Variants in PMEPA1 observed in about 807,000 individuals in gnomAD.
The protein encoded by PMEPA1 is protein TMEPAI.
PMEPA1 carries 11 observed loss-of-function variants against 23.0 expected under a neutral mutation model. The observed-to-expected ratio is 0.48, with a 90% CI of 0.30 to 0.79. The LOEUF (loss-of-function observed/expected upper bound fraction) is 0.79, where lower values mean the gene tolerates loss of function less well. PMEPA1 is among the 30% of genes least tolerant of loss of function. The pLI, the probability that PMEPA1 is intolerant of heterozygous loss-of-function variation, is 0.06. For missense variants in PMEPA1, 377 were observed against 390.9 expected, an observed-to-expected ratio of 0.96 and a Z score of 0.30; for synonymous variants, 204 against 166.4, an observed-to-expected ratio of 1.23 and a Z score of -1.74.
Position 57,681,293 on chromosome 20 carries a change from C to T in PMEPA1, c.110-21596G>A, listed in dbSNP as rs147762340. On this transcript the variant is annotated intron_variant, in intron 1 of 3. Transcript: ENST00000341744. ...CTCCATCACTGCCACTGGGAACCCC[C>T]GTCCCTCCAAACCTGCCGCCTGCCT... 3.1e-3 allele frequency among the ~76,000 whole-genome samples: 468 copies of T among 152,318 alleles called. 5 individuals carry two copies. The highest frequency in any genetic ancestry group is 0.011 in the African/African-American group (441 of 41,570).
At chr20:57,688,211 C>A (rs1482389301) in intron 1 of PMEPA1, among the ~76,000 whole-genome samples, 2 of 152,220 alleles carry the variant, frequency 1.3e-5, no homozygotes, top group South Asian at 2.1e-4. Flanking sequence ...CAGGTCAGTG[C>A]AACTACTTTC....
At chr20:57,700,421 C>T (rs2071996049) in intron 1 of PMEPA1, among the ~76,000 whole-genome samples, 1 of 152,222 alleles carries the variant, frequency 6.6e-6, no homozygotes, top group African/African-American at 2.4e-5. Flanking sequence ...ATAGTGGGGG[C>T]AAATGATATA....
chr20:57,678,815 G>A (rs1021132702), intron 1 of PMEPA1, among the ~76,000 whole-genome samples: 9 of 152,328 alleles, frequency 5.9e-5, no homozygotes, highest in African/African-American at 2.2e-4. Flanking sequence ...AGAGCCAGGG[G>A]AGGGAGAGCA....
chr20:57,675,239 C>T (rs548264563), intron 1 of PMEPA1, among the ~76,000 whole-genome samples: 1 of 151,786 alleles, frequency 6.6e-6, no homozygotes, highest in African/African-American at 2.4e-5. Context: ...ACACAGAGCC[C>T]GGTGCTGTGA....
rs529734799 is a variant in PMEPA1, at chr20:57,707,316, C to T, written c.109+2158G>A. On this transcript the variant is annotated intron_variant, in intron 1 of 3. Transcript: ENST00000341744. Reference sequence around the variant, plus strand: ...GGCCTTACCACTTCCTCACCCTAGTCTCTCGGGGAAATCTGATGAAAACAA... The same window carrying T: ...GGCCTTACCACTTCCTCACCCTAGTTTCTCGGGGAAATCTGATGAAAACAA... 4.6e-5 allele frequency among the ~76,000 whole-genome samples: 7 copies of T among 152,346 alleles called. No individual in the cohort carries two copies. In the East Asian group the frequency reaches 1.2e-3, roughly 25 times the overall value.
At chr20:57,669,718 G>A (rs146692601) in intron 1 of PMEPA1, among the ~76,000 whole-genome samples, 17 of 152,244 alleles carry the variant, frequency 1.1e-4, no homozygotes, top group African/African-American at 3.9e-4. Context: ...GACTGTCCAC[G>A]TCTGCACAGA....
At chr20:57,710,698 C>A, upstream of PMEPA1, 1 of 476,058 alleles carries the variant, frequency 2.1e-6, no homozygotes, top group Non-Finnish European at 3.7e-6. Context: ...GTCTGCTGCC[C>A]AAGGGGCCTC....
rs2071729083 is a variant in PMEPA1 at position 57,682,289 on chromosome 20, G to A, written c.110-22592C>T. ...TGAAGGCTTGAGCTGAGTGTGAATG[G>A]TGCTCAGAGCGGGGGACCAGCTCCA... On this transcript the variant is annotated intron_variant, in intron 1 of 3. Transcript: ENST00000341744. This position sits in a 1 kb window ranked among gnomAD's most constrained non-coding sequence, Gnocchi z 4.4. Among the ~76,000 whole-genome samples, 2 of 152,222 alleles carry A rather than the reference G, an allele frequency of 1.3e-5. No homozygotes were observed. Among genetic ancestry groups the A allele is most frequent in the Admixed American group, 1.3e-4 (2 of 15,288 alleles).
In PMEPA1 at chr20:57,682,975, T is replaced by C. The variant is rs1028962428; in HGVS notation, c.110-23278A>G. Among the ~76,000 whole-genome samples, 8 of 152,036 alleles carry C rather than the reference T, an allele frequency of 5.3e-5. No individual in the cohort carries two copies. The East Asian group carries it at 1.2e-3, about 22-fold the overall frequency. On this transcript the variant is annotated intron_variant, in intron 1 of 3. Transcript: ENST00000341744. The surrounding 1 kb of genome is among the most constrained non-coding windows in gnomAD (Gnocchi z 4.4). ...CTTGAAACTCCGGCTTCTCCAACTC[T>C]TCAGAAAAGGAGAAGAAGAAGAAAA...
chr20:57,653,130 G>A (rs1419667808), intron 2 of PMEPA1, 44 bp from the exon 3 acceptor site: 2 of 1,500,666 alleles, frequency 1.3e-6, no homozygotes, highest in East Asian at 2.4e-5. Context: ...GGGGTGGGCA[G>A]GAGGGACAGC....
At chr20:57,709,268 G>T (rs2072130578) in intron 1 of PMEPA1, among the ~76,000 whole-genome samples, 1 of 148,356 alleles carries the variant, frequency 6.7e-6, no homozygotes, top group South Asian at 2.1e-4. Context: ...GCCGTGCCAG[G>T]CTCGCAGCGC....
intron 1 of PMEPA1, among the ~76,000 whole-genome samples, chr20:57,692,255 C>A (rs1027932316): frequency 6.6e-6 from 1 of 152,190 alleles, no homozygotes; most frequent in Non-Finnish European, 1.5e-5. Flanking sequence ...ATAGAGGAGA[C>A]GCAACCCCGA....
intron 1 of PMEPA1, among the ~76,000 whole-genome samples, chr20:57,665,226 G>T (rs2071475960): frequency 6.6e-6 from 1 of 152,184 alleles, no homozygotes; most frequent in South Asian, 2.1e-4. Flanking sequence ...TGCCCATTTT[G>T]CAGATGAAGA....
In PMEPA1 at chr20:57,682,043, C is replaced by CTAG. The variant is rs2071724343; in HGVS notation, c.110-22349_110-22347dup. 6.6e-6 allele frequency among the ~76,000 whole-genome samples: 1 copy of CTAG among 152,232 alleles called. No individual in the cohort carries two copies. The highest frequency in any genetic ancestry group is 1.5e-5 in the Non-Finnish European group (1 of 68,042). On this transcript the variant is annotated intron_variant, in intron 1 of 3. Coordinates refer to ENST00000341744, the MANE Select transcript of PMEPA1 (RefSeq NM_020182.5). The surrounding 1 kb of genome is among the most constrained non-coding windows in gnomAD (Gnocchi z 4.4). ...GACTCTGTTTCCCATCTGCACCAGA[C>CTAG]TAGTAGCTCCCTGAGGGCAGGCTCA...
chr20:57,710,705 C>T, upstream of PMEPA1: 1 of 463,742 alleles, frequency 2.2e-6, no homozygotes, highest in Non-Finnish European at 3.8e-6. Context: ...GCCCAAGGGG[C>T]CTCCGGCTGG....
At position 57,699,739 on chromosome 20, in the gene PMEPA1, C is replaced by T. The variant is rs139846648; in HGVS notation, c.109+9735G>A. Among the ~76,000 whole-genome samples, 7 of 152,322 alleles carry T rather than the reference C, an allele frequency of 4.6e-5. No individual in the cohort carries two copies. The East Asian group carries it at 1.4e-3, about 29-fold the overall frequency. ...ATTCAGCTTCCTACTTCTCTTGCTG[C>T]CGAGGACATGGCCTGGAAAATCTGA... is the stretch of plus-strand genomic sequence containing the variant. On this transcript the variant is annotated intron_variant, in intron 1 of 3. Coordinates refer to ENST00000341744, the MANE Select transcript of PMEPA1 (RefSeq NM_020182.5).
In PMEPA1 at chr20:57,661,461, C is replaced by T. The variant is rs1236014308; in HGVS notation, c.110-1764G>A. Among the ~76,000 whole-genome samples the T allele has an allele frequency of 3.3e-5, 5 of 152,180 alleles. No individual in the cohort carries two copies. In the East Asian group the frequency reaches 7.7e-4, roughly 23 times the overall value. ...TGCAGGAATGTGACTCCCCAGACCC[C>T]GGCTGGCATGGGGGCAAGGAGGACT... On this transcript the variant is annotated intron_variant, in intron 1 of 3. Transcript: ENST00000341744.
intron 1 of PMEPA1, among the ~76,000 whole-genome samples, chr20:57,708,180 C>T (rs1014791481): frequency 6.6e-6 from 1 of 152,254 alleles, no homozygotes; most frequent in African/African-American, 2.4e-5. Context: ...ATGAGCCGCC[C>T]AGACACTGCC....
At chr20:57,697,492 C>A (rs1247284034) in intron 1 of PMEPA1, among the ~76,000 whole-genome samples, 2 of 152,234 alleles carry the variant, frequency 1.3e-5, no homozygotes, top group African/African-American at 4.8e-5. Context: ...TACAGGGTTA[C>A]TGGCAAATTT....
Sources: allele counts gnomAD v4.1 joint callset (sites outside exome capture counted in the v4.1 genomes callset), GRCh38; gene constraint gnomAD v4.1.1; non-coding constraint Gnocchi (gnomAD v3.1); transcripts MANE v1.5; gene names NCBI Gene and HGNC (gene_info 2026-07-23, HGNC 2026-07-21).